The following UBR1 variants were observed in gnomAD, a reference collection of about 807,000 sequenced individuals.
UBR1 encodes the protein ubiquitin protein ligase E3 component n-recognin 1.
In UBR1, 102 loss-of-function variants were observed where a neutral mutation model predicts 242.1. The observed-to-expected ratio is 0.42, with a 90% CI of 0.36 to 0.50. The LOEUF is 0.50. Among genes scored for constraint, UBR1 ranks in the 20% least tolerant of loss-of-function variants. UBR1 has a pLI of 0.01. For synonymous variants in UBR1, 675 were observed against 684.8 expected (o/e 0.99, Z 0.22); for missense variants, 1,772 against 2,101.8 (o/e 0.84, Z 3.07).
intron 41 of UBR1, 98 bp downstream of exon 41, chr15:42,966,055 A>G (rs1218329791): frequency 6.4e-7 from 1 of 1,551,788 alleles, no homozygotes; most frequent in Non-Finnish European, 8.8e-7. Flanking sequence ...GGAGAGGAGA[A>G]GTGGTTTTAT....
At chr15:43,069,570 C>CG (rs2033798389) in intron 5 of UBR1, among the ~76,000 whole-genome samples, 1 of 152,196 alleles carries the variant, frequency 6.6e-6, no homozygotes, top group African/African-American at 2.4e-5. Flanking sequence ...CCGCCGCGCC[C>CG]GGCCTATGTT....
chr15:42,953,881 C>CTTT (rs542646568), intron 44 of UBR1, among the ~76,000 whole-genome samples: 4 of 132,754 alleles, frequency 3.0e-5, no homozygotes, highest in Non-Finnish European at 4.9e-5. Context: ...ACTTGATATT[C>CTTT]TTTTTTTTTT....
chr15:43,000,644 G>C (rs1257539827), intron 32 of UBR1, among the ~76,000 whole-genome samples: 4 of 152,102 alleles, frequency 2.6e-5, no homozygotes, highest in African/African-American at 9.7e-5. Flanking sequence ...GGAAATAACA[G>C]TACCTACTTC....
chr15:42,982,260 T>G (rs2032389450), intron 37 of UBR1, among the ~76,000 whole-genome samples: 1 of 152,126 alleles, frequency 6.6e-6, no homozygotes, highest in Non-Finnish European at 1.5e-5. Context: ...AATATCTAAA[T>G]TATGACTGAA....
chr15:43,049,558 A>C (rs770536622), intron 12 of UBR1, among the ~76,000 whole-genome samples: 3 of 152,154 alleles, frequency 2.0e-5, no homozygotes, highest in Non-Finnish European at 2.9e-5. Context: ...ATGACACACA[A>C]AAAAAGAAGT....
At position 42,945,149 on chromosome 15, in the gene UBR1, G is replaced by T; in HGVS notation, c.*180C>A. ...GATCTATGTCCTTTTTTCCTGTGAA[G>T]CATATGTTTGCTAATTGAAAGCAAT... On this transcript the variant is annotated 3_prime_UTR_variant, in exon 47 of 47. Transcript: ENST00000290650. 1 of 748,012 alleles carries T rather than the reference G, an allele frequency of 1.3e-6. No homozygotes were observed. Among genetic ancestry groups the T allele is most frequent in the Non-Finnish European group, 2.2e-6 (1 of 456,684 alleles). 46.3% of individuals were successfully genotyped at this position (748,012 alleles called of 1,614,324 possible).
intron 28 of UBR1, among the ~76,000 whole-genome samples, chr15:43,016,102 C>T (rs140009753): frequency 1.3e-3 from 202 of 152,262 alleles, no homozygotes; most frequent in African/African-American, 4.8e-3. Flanking sequence ...CCTTAAATAT[C>T]CAATTAACTG....
In UBR1 at chr15:42,944,195, AC is replaced by A. The variant is rs1486390998; in HGVS notation, c.*1133del. 6.6e-6 allele frequency: 1 copy of A among 152,588 alleles called. No individual in the cohort carries two copies. The highest frequency in any genetic ancestry group is 2.4e-5 in the African/African-American group (1 of 41,452). The allele number at this position is 152,588 out of a possible 1,614,324, so 9.5% of individuals were successfully genotyped here. On this transcript the variant is annotated 3_prime_UTR_variant, in exon 47 of 47. Transcript: ENST00000290650. ...CTGTTTTATATCACAATCTCTTGATACAAAAAACAAAAGCCAGGAACCAAGA... is the reference window on the plus strand; with the variant it reads ...CTGTTTTATATCACAATCTCTTGATAAAAAAACAAAAGCCAGGAACCAAGA...
chr15:42,995,809 G>T (rs1211877668), intron 33 of UBR1, among the ~76,000 whole-genome samples: 1 of 152,184 alleles, frequency 6.6e-6, no homozygotes, highest in African/African-American at 2.4e-5. Flanking sequence ...TTGTGGTAAA[G>T]GTTTTGTTAT....
intron 38 of UBR1, 94 bp from the exon 39 acceptor site, chr15:42,976,961 C>T: frequency 1.5e-6 from 2 of 1,363,740 alleles, no homozygotes; most frequent in Admixed American, 1.9e-5. Flanking sequence ...AGATGCTACA[C>T]AGTGTTTGTG....
chr15:43,097,505 C>T (rs2034175908), intron 1 of UBR1, among the ~76,000 whole-genome samples: 2 of 152,246 alleles, frequency 1.3e-5, no homozygotes, highest in African/African-American at 2.4e-5. Flanking sequence ...TAGATGGCAT[C>T]TTCTTCCAAC....
At chr15:43,038,332 GGC>G in intron 15 of UBR1, 100 bp from the exon 16 acceptor site, 2 of 1,181,836 alleles carry the variant, frequency 1.7e-6, no homozygotes, top group Non-Finnish European at 2.5e-6. Flanking sequence ...GATTTGGCTG[GGC>G]GCGGTGGCTC....
chr15:43,028,423 T>TA (rs1352531292), intron 21 of UBR1, among the ~76,000 whole-genome samples: 1 of 152,082 alleles, frequency 6.6e-6, no homozygotes, highest in African/African-American at 2.4e-5. Flanking sequence ...TGTAGGCTTG[T>TA]AAAGATAAGA....
chr15:43,005,896 C>A (rs1051318751), intron 30 of UBR1, among the ~76,000 whole-genome samples: 1 of 148,974 alleles, frequency 6.7e-6, no homozygotes, highest in African/African-American at 2.5e-5. Context: ...GCAGCATGCT[C>A]GTTAAGAGTC....
chr15:43,026,749 A>C, intron 22 of UBR1, 86 bp from the exon 23 acceptor site: 1 of 1,194,904 alleles, frequency 8.4e-7, no homozygotes, highest in Non-Finnish European at 1.2e-6. Flanking sequence ...ATTAATCTAG[A>C]AGTCAAATAT....
intron 1 of UBR1, among the ~76,000 whole-genome samples, chr15:43,087,157 G>A (rs546573977): frequency 7.2e-4 from 110 of 152,310 alleles, no homozygotes; most frequent in African/African-American, 2.5e-3. Context: ...TGTAATCCCA[G>A]CACTTTGGGA....
At chr15:43,059,912 T>C in intron 7 of UBR1, 87 bp from the exon 8 acceptor site, 1 of 1,570,940 alleles carries the variant, frequency 6.4e-7, no homozygotes, top group Non-Finnish European at 8.8e-7. Context: ...AGAAATCACA[T>C]AACCCTGCCA....
intron 28 of UBR1, among the ~76,000 whole-genome samples, chr15:43,016,355 A>G (rs1222767215): frequency 6.6e-6 from 1 of 152,062 alleles, no homozygotes; most frequent in Non-Finnish European, 1.5e-5. Context: ...TGAACATGTA[A>G]TAACCACAAA....
At chr15:43,024,475 C>A (rs1017033590) in intron 25 of UBR1, among the ~76,000 whole-genome samples, 1 of 152,110 alleles carries the variant, frequency 6.6e-6, no homozygotes, top group Non-Finnish European at 1.5e-5. Flanking sequence ...GTGGGGAAAC[C>A]CAAGACTGAC....
Sources: gnomAD v4.1 joint callset for allele counts (sites outside exome capture counted in the v4.1 genomes callset) on GRCh38, gnomAD v4.1.1 for gene constraint, MANE v1.5 for transcripts, NCBI Gene and HGNC (gene_info 2026-07-23, HGNC 2026-07-21) for gene names.